The following SRD5A2 variants were observed in gnomAD, a reference collection of about 807,000 sequenced individuals.
SRD5A2 encodes the protein steroid 5 alpha-reductase 2.
Under a neutral mutation model 27.4 loss-of-function variants are expected in SRD5A2, and 30 were observed. That is an observed-to-expected ratio of 1.10 (90% CI 0.82 to 1.49). The LOEUF is 1.49. Ranked by LOEUF, SRD5A2 falls within the 40% of genes most tolerant of loss-of-function variation. SRD5A2 has a pLI of 0.00. For synonymous variants in SRD5A2, 141 were observed against 133.6 expected, an observed-to-expected ratio of 1.06 and a Z score of -0.38; for missense variants, 348 against 323.4, an observed-to-expected ratio of 1.08 and a Z score of -0.58.
At chr2:31,578,190 TACTTTTGGGA>T (rs1363245085) in intron 1 of SRD5A2, among the ~76,000 whole-genome samples, 1 of 152,162 alleles carries the variant, frequency 6.6e-6, no homozygotes, top group Non-Finnish European at 1.5e-5. Context: ...GAGTATTTTC[TACTTTTGGGA>T]TTTTTCCATT....
Position 31,531,383 on chromosome 2 carries a change from T to G in SRD5A2, c.535A>C (p.Arg179=), listed in dbSNP as rs1165282112. The G allele has an allele frequency of 6.3e-7, 1 of 1,584,630 alleles. No homozygotes were observed. The highest frequency in any genetic ancestry group is 8.6e-7 in the Non-Finnish European group (1 of 1,164,270). The change falls in exon 3 of 5, where the codon AGG becomes CGG. Residue 179 remains arginine (R), a synonymous_variant. Coordinates refer to ENST00000622030, the MANE Select transcript of SRD5A2 (RefSeq NM_000348.4). ...GGGGAGACATTACCTTGTGGAATCC[T>G]GTAGCTGATTTCTCCAGGCTTCCTG... The part of the protein sequence containing the change: ...QLRKPGEISY[R]IPQGGLFTYV...
chr2:31,618,166 CATTT>C, the SRD5A2 span, among the ~76,000 whole-genome samples: 1 of 152,050 alleles, frequency 6.6e-6, no homozygotes, highest in Non-Finnish European at 1.5e-5. Context: ...GAGGAACTCC[CATTT>C]ATAAAACTAT....
chr2:31,649,940 A>G, the SRD5A2 span, among the ~76,000 whole-genome samples: 1 of 150,062 alleles, frequency 6.7e-6, no homozygotes, highest in Non-Finnish European at 1.5e-5. Flanking sequence ...TGTCATTATT[A>G]ATGATCAACA....
chr2:31,630,349 G>A, the SRD5A2 span, among the ~76,000 whole-genome samples: 2 of 152,154 alleles, frequency 1.3e-5, no homozygotes, highest in African/African-American at 2.4e-5. Context: ...GAGAGGGAGA[G>A]AGAGAAAAAG....
chr2:31,596,597 G>A, the SRD5A2 span, among the ~76,000 whole-genome samples: 1 of 151,974 alleles, frequency 6.6e-6, no homozygotes, highest in Non-Finnish European at 1.5e-5. Flanking sequence ...AAACCCTAAA[G>A]ACTCATCCAA....
intron 1 of SRD5A2, among the ~76,000 whole-genome samples, chr2:31,553,318 T>A (rs1397163054): frequency 6.6e-6 from 1 of 152,148 alleles, no homozygotes; most frequent in Non-Finnish European, 1.5e-5. Context: ...TTATGGTGAT[T>A]CTAGAAGGAA....
intron 1 of SRD5A2, among the ~76,000 whole-genome samples, chr2:31,547,100 A>AAAAAT (rs377001186): frequency 0.022 from 3,283 of 152,064 alleles, 73 homozygotes; most frequent in African/African-American, 0.05. Context: ...CTCCATCTCA[A>AAAAAT]AAAATAAAAT....
the SRD5A2 span, among the ~76,000 whole-genome samples, chr2:31,601,324 T>C: frequency 7.3e-5 from 11 of 151,712 alleles, no homozygotes; most frequent in Non-Finnish European, 1.5e-5. Flanking sequence ...CTAGAAGAAA[T>C]GGAAAAAGTC....
At chr2:31,598,337 T>C in the SRD5A2 span, among the ~76,000 whole-genome samples, 1 of 151,950 alleles carries the variant, frequency 6.6e-6, no homozygotes. Context: ...GACTACATAA[T>C]GGGTGCAGTG....
At chr2:31,565,155 A>G (rs1265569087) in intron 1 of SRD5A2, among the ~76,000 whole-genome samples, 1 of 151,958 alleles carries the variant, frequency 6.6e-6, no homozygotes, top group Non-Finnish European at 1.5e-5. Flanking sequence ...AGACTGATAA[A>G]TTTAAGATAC....
the SRD5A2 span, among the ~76,000 whole-genome samples, chr2:31,626,973 G>A: frequency 9.6e-4 from 146 of 152,260 alleles, no homozygotes; most frequent in African/African-American, 3.2e-3. Context: ...ATTTGGCTGT[G>A]AATCTGTCTG....
Position 31,580,916 on chromosome 2 carries a change from G to T in SRD5A2, c.-16C>A. Reference sequence around the variant, plus strand: ...GAACCTGCATCGCGCCGTGTTCCTCGCCGGTGGCCGCTGCCCTCCCAGAAG... The same window carrying T: ...GAACCTGCATCGCGCCGTGTTCCTCTCCGGTGGCCGCTGCCCTCCCAGAAG... On this transcript the variant is annotated 5_prime_UTR_variant, in exon 1 of 5. Coordinates refer to ENST00000622030, the MANE Select transcript of SRD5A2 (RefSeq NM_000348.4). 6.3e-7 allele frequency: 1 copy of T among 1,586,862 alleles called. No individual in the cohort carries two copies. The highest frequency in any genetic ancestry group is 8.6e-7 in the Non-Finnish European group (1 of 1,165,082).
At chr2:31,602,252 T>C in the SRD5A2 span, among the ~76,000 whole-genome samples, 1 of 152,056 alleles carries the variant, frequency 6.6e-6, no homozygotes, top group Non-Finnish European at 1.5e-5. Context: ...ATCACTAGCA[T>C]TCCTATACAC....
the SRD5A2 span, among the ~76,000 whole-genome samples, chr2:31,632,892 C>T: frequency 1.3e-5 from 2 of 152,086 alleles, no homozygotes; most frequent in Non-Finnish European, 2.9e-5. Flanking sequence ...ACCTAGTCCT[C>T]CATGCCCACA....
intron 1 of SRD5A2, among the ~76,000 whole-genome samples, chr2:31,540,971 CAAACCCCTCCCCATCCAGCTG>C (rs1167047853): frequency 6.6e-6 from 1 of 152,184 alleles, no homozygotes; most frequent in Non-Finnish European, 1.5e-5. Flanking sequence ...TCCATTGTTG[CAAACCCCTCCCCATCCAGCTG>C]AAATGACTTC....
At chr2:31,534,032 T>C (rs796368395) in intron 1 of SRD5A2, among the ~76,000 whole-genome samples, 1 of 152,106 alleles carries the variant, frequency 6.6e-6, no homozygotes, top group Non-Finnish European at 1.5e-5. Flanking sequence ...ACATGTACCA[T>C]GCAAAGTGGA....
chr2:31,604,517 A>T, the SRD5A2 span, among the ~76,000 whole-genome samples: 11 of 151,938 alleles, frequency 7.2e-5, no homozygotes, highest in Non-Finnish European at 1.6e-4. Flanking sequence ...AACAGTGAAC[A>T]ATCTGGAAAA....
the SRD5A2 span, among the ~76,000 whole-genome samples, chr2:31,637,635 A>T: frequency 6.6e-6 from 1 of 151,988 alleles, no homozygotes; most frequent in African/African-American, 2.4e-5. Context: ...GGATATCCCT[A>T]ATCTGTTTAT....
the SRD5A2 span, among the ~76,000 whole-genome samples, chr2:31,651,120 A>G: frequency 6.6e-6 from 1 of 152,194 alleles, no homozygotes; most frequent in African/African-American, 2.4e-5. Context: ...CAGAAGACCA[A>G]TAGATGGTGC....
Sources: gnomAD v4.1 joint callset for allele counts (sites outside exome capture counted in the v4.1 genomes callset) on GRCh38, gnomAD v4.1.1 for gene constraint, MANE v1.5 for transcripts, NCBI Gene and HGNC (gene_info 2026-07-23, HGNC 2026-07-21) for gene names.